STRN3: variants seen among roughly 807,000 people sequenced by gnomAD.
The protein encoded by STRN3 is striatin-3.
In STRN3, 29 loss-of-function variants were observed where a neutral mutation model predicts 95.6. That is an observed-to-expected ratio of 0.30 (90% confidence interval 0.23 to 0.41). STRN3 has a LOEUF of 0.41. Among genes scored for constraint, STRN3 ranks in the 10% least tolerant of loss-of-function variants. The pLI, the probability that STRN3 is intolerant of heterozygous loss-of-function variation, is 1.00. For synonymous variants in STRN3, 331 were observed against 357.6 expected (o/e 0.93, Z 0.84); for missense variants, 890 against 972.1 (o/e 0.92, Z 1.12).
At chr14:30,919,452 CAA>C (rs1022400446) in intron 8 of STRN3, among the ~76,000 whole-genome samples, 1 of 151,460 alleles carries the variant, frequency 6.6e-6, no homozygotes. Flanking sequence ...ATCATTAAAA[CAA>C]AGGAAAATTT....
intron 1 of STRN3, among the ~76,000 whole-genome samples, chr14:30,961,115 C>T (rs1880182966): frequency 6.6e-6 from 1 of 151,984 alleles, no homozygotes; most frequent in South Asian, 2.1e-4. Context: ...AACTTTTATT[C>T]AAGATAAAAG....
chr14:30,995,102 G>A (rs1566481679), intron 1 of STRN3, among the ~76,000 whole-genome samples: 1 of 152,222 alleles, frequency 6.6e-6, no homozygotes, highest in East Asian at 1.9e-4. Flanking sequence ...GATCCTGCCA[G>A]CAAATAAATA....
chr14:30,907,171 A>G (rs747330870), intron 13 of STRN3, 127 bp from the exon 14 acceptor site: 8 of 1,042,128 alleles, frequency 7.7e-6, no homozygotes, highest in African/African-American at 1.6e-5. Context: ...AAGATAAACT[A>G]AAGTGTACAT....
At chr14:30,992,620 T>C (rs1270382308) in intron 1 of STRN3, among the ~76,000 whole-genome samples, 1 of 138,230 alleles carries the variant, frequency 7.2e-6, no homozygotes, top group African/African-American at 2.7e-5. Context: ...TAACGAAATG[T>C]GAAATACCTT....
chr14:30,957,107 G>A (rs950570913), intron 1 of STRN3, among the ~76,000 whole-genome samples: 2 of 151,990 alleles, frequency 1.3e-5, no homozygotes, highest in African/African-American at 4.8e-5. Context: ...GCAGTGAGCC[G>A]AGATGGTGCC....
chr14:31,019,831 A>G (rs1883417240), intron 1 of STRN3, among the ~76,000 whole-genome samples: 1 of 151,916 alleles, frequency 6.6e-6, no homozygotes, highest in South Asian at 2.1e-4. Context: ...TAGGATACTG[A>G]TGTTACCTAT....
At chr14:30,937,068 C>T (rs531084152) in intron 5 of STRN3, among the ~76,000 whole-genome samples, 3 of 152,222 alleles carry the variant, frequency 2.0e-5, no homozygotes, top group African/African-American at 7.2e-5. Context: ...TGCCTGTAAT[C>T]CCAGCACTTT....
intron 8 of STRN3, among the ~76,000 whole-genome samples, chr14:30,921,656 T>G (rs1896887945): frequency 6.6e-6 from 1 of 152,148 alleles, no homozygotes; most frequent in Non-Finnish European, 1.5e-5. Context: ...CTAAATATAA[T>G]AAATGCAATG....
chr14:30,979,472 A>G (rs1566471835), intron 1 of STRN3, among the ~76,000 whole-genome samples: 1 of 152,194 alleles, frequency 6.6e-6, no homozygotes, highest in South Asian at 2.1e-4. Flanking sequence ...TAATTTTTAT[A>G]AACTTGTTTC....
chr14:30,910,194 C>T (rs1896570770), intron 13 of STRN3, among the ~76,000 whole-genome samples: 2 of 152,198 alleles, frequency 1.3e-5, no homozygotes, highest in Non-Finnish European at 2.9e-5. Context: ...TTGAATGTCA[C>T]TATTTTAGAA....
chr14:30,967,871 C>A (rs957821101), intron 1 of STRN3, among the ~76,000 whole-genome samples: 2 of 152,212 alleles, frequency 1.3e-5, no homozygotes, highest in South Asian at 2.1e-4. Flanking sequence ...AAAGATCCGA[C>A]CAGACCTAGG....
At chr14:30,908,960 T>C (rs1265323662) in intron 13 of STRN3, among the ~76,000 whole-genome samples, 1 of 152,258 alleles carries the variant, frequency 6.6e-6, no homozygotes, top group African/African-American at 2.4e-5. Context: ...TCCTTTAACA[T>C]GCCTAAAATC....
At chr14:30,910,855 T>C (rs956516389) in intron 13 of STRN3, among the ~76,000 whole-genome samples, 186 bp downstream of exon 13, 1 of 152,192 alleles carries the variant, frequency 6.6e-6, no homozygotes, top group Non-Finnish European at 1.5e-5. Context: ...TATCAATTCA[T>C]AGGCTTAAAT....
At chr14:30,974,291 A>C (rs981195408) in intron 1 of STRN3, among the ~76,000 whole-genome samples, 4 of 152,214 alleles carry the variant, frequency 2.6e-5, no homozygotes, top group African/African-American at 9.6e-5. Flanking sequence ...ACAATGAACA[A>C]TCTGAAAAGG....
At chr14:30,905,841 C>T (rs1468478180) in intron 14 of STRN3, among the ~76,000 whole-genome samples, 1 of 152,194 alleles carries the variant, frequency 6.6e-6, no homozygotes, top group Non-Finnish European at 1.5e-5. Flanking sequence ...TTCTATTACA[C>T]GTTTTCTTCT....
intron 1 of STRN3, among the ~76,000 whole-genome samples, chr14:31,020,154 T>G (rs531431343): frequency 3.7e-4 from 56 of 152,164 alleles, no homozygotes; most frequent in Admixed American, 7.9e-4. Flanking sequence ...TTTAGGAACT[T>G]TATGAGAATT....
At chr14:31,007,472 T>C (rs1289904983) in intron 1 of STRN3, among the ~76,000 whole-genome samples, 2 of 152,126 alleles carry the variant, frequency 1.3e-5, no homozygotes, top group Non-Finnish European at 2.9e-5. Flanking sequence ...AAACAAAATA[T>C]GCAGAAAAGT....
intron 1 of STRN3, among the ~76,000 whole-genome samples, chr14:31,005,264 G>A (rs562831966): frequency 3.9e-5 from 6 of 152,248 alleles, no homozygotes; most frequent in South Asian, 4.1e-4. Context: ...CCCAGGAGTC[G>A]GAAGTTGTAG....
intron 4 of STRN3, 90 bp downstream of exon 4, chr14:30,950,773 C>T: frequency 2.5e-6 from 3 of 1,200,800 alleles, no homozygotes; most frequent in South Asian, 1.4e-5. Context: ...ACACATTGTC[C>T]CAATATGATT....
Sources: allele counts gnomAD v4.1 joint callset (sites outside exome capture counted in the v4.1 genomes callset), GRCh38; gene constraint gnomAD v4.1.1; transcripts MANE v1.5; gene names NCBI Gene and HGNC (gene_info 2026-07-23, HGNC 2026-07-21).